Variants in PCDH11X observed in about 807,000 individuals in gnomAD.
PCDH11X encodes the protein protocadherin 11 X-linked, also known as protocadherin-11 X-linked.
Under a neutral mutation model 53.3 loss-of-function variants are expected in PCDH11X, and 18 were observed. That is an observed-to-expected ratio of 0.34 (90% CI 0.23 to 0.50). The LOEUF (loss-of-function observed/expected upper bound fraction) is 0.50. Among genes scored for constraint, PCDH11X ranks in the 20% least tolerant of loss-of-function variants. The pLI, the probability that PCDH11X is intolerant of heterozygous loss-of-function variation, is 0.98. For missense variants in PCDH11X, 570 were observed against 1,032.4 expected, an observed-to-expected ratio of 0.55 and a Z score of 6.14; for synonymous variants, 279 against 393.3, an observed-to-expected ratio of 0.71 and a Z score of 3.44.
intron 8 of PCDH11X, among the ~76,000 whole-genome samples, chrX:92,353,696 C>T (rs767451932): frequency 1.4e-4 from 15 of 108,085 alleles, no homozygotes; most frequent in Non-Finnish European, 2.9e-4. Context: ...AGTAAGTTTT[C>T]TTTCCATTTC....
chrX:92,046,477 G>A (rs994093438), intron 6 of PCDH11X, among the ~76,000 whole-genome samples: 14 of 111,174 alleles, frequency 1.3e-4, no homozygotes, highest in Non-Finnish European at 2.3e-4. Flanking sequence ...TATAATCTTT[G>A]GAAGGTACCG....
intron 5 of PCDH11X, among the ~76,000 whole-genome samples, chrX:91,846,125 AT>A (rs760609889): frequency 1.2e-4 from 14 of 112,025 alleles, no homozygotes; most frequent in African/African-American, 4.5e-4. Flanking sequence ...ACACCACAAA[AT>A]AGTGACTGGC....
At chrX:91,908,027 C>T (rs1414682565) in intron 6 of PCDH11X, among the ~76,000 whole-genome samples, 1 of 111,666 alleles carries the variant, frequency 9.0e-6, no homozygotes. Flanking sequence ...TTTATCCAGT[C>T]TATCACTGAT....
intron 9 of PCDH11X, among the ~76,000 whole-genome samples, chrX:92,418,991 G>A (rs994511949): frequency 9.5e-5 from 10 of 105,459 alleles, no homozygotes; most frequent in Non-Finnish European, 1.5e-4. Context: ...GTACTGTGTA[G>A]AAGTGTTTGT....
chrX:92,343,279 A>T (rs2069810028), intron 8 of PCDH11X, among the ~76,000 whole-genome samples: 1 of 111,668 alleles, frequency 9.0e-6, no homozygotes, highest in Non-Finnish European at 1.9e-5. Context: ...TCACAAATCA[A>T]TTGAAGAATA....
chrX:91,991,608 A>G (rs1280506250), intron 6 of PCDH11X, among the ~76,000 whole-genome samples: 1 of 87,712 alleles, frequency 1.1e-5, no homozygotes, highest in Non-Finnish European at 2.2e-5. Context: ...TTAAGTATGT[A>G]TCTTGGTGTT....
rs565098212 is a variant in PCDH11X at position 92,150,471 on chromosome X, A to C, written c.3034-50904A>C. ...TGCTATTAAGTCAAACAAGTTATTG[A>C]TATATTCTGGATACATTTATGTTCA... On this transcript the variant is annotated intron_variant, in intron 6 of 10. Coordinates refer to ENST00000682573, the MANE Select transcript of PCDH11X (RefSeq NM_032968.5). Among the ~76,000 whole-genome samples, 56 of 107,986 alleles carry C rather than the reference A, an allele frequency of 5.2e-4. No individual in the cohort carries two copies. In the South Asian group the frequency reaches 0.022, roughly 43 times the overall value. The allele number at this position is 107,986 out of a possible 115,157, so 93.8% of individuals were successfully genotyped here.
chrX:92,147,837 T>TTCTTTC (rs1569388201), intron 6 of PCDH11X, among the ~76,000 whole-genome samples: 29 of 95,920 alleles, frequency 3.0e-4, no homozygotes, highest in African/African-American at 1.2e-3. Context: ...CTTTCTTTCT[T>TTCTTTC]TCTTTCTTTC....
intron 6 of PCDH11X, among the ~76,000 whole-genome samples, chrX:92,087,299 T>C (rs1175601767): frequency 7.5e-5 from 8 of 106,653 alleles, no homozygotes; most frequent in Non-Finnish European, 1.4e-4. Flanking sequence ...TTCTGCATGT[T>C]GGTCAGGCTG....
At chrX:91,942,113 A>G (rs974850786) in intron 6 of PCDH11X, among the ~76,000 whole-genome samples, 5 of 110,327 alleles carry the variant, frequency 4.5e-5, no homozygotes, top group Admixed American at 9.7e-5. Flanking sequence ...AAGAAAAAAA[A>G]AGAAAAGAAT....
At chrX:92,580,603 A>C (rs1310009843) in intron 10 of PCDH11X, among the ~76,000 whole-genome samples, 38 of 111,013 alleles carry the variant, frequency 3.4e-4, no homozygotes, top group African/African-American at 1.2e-3. Context: ...CGGGAAAAAA[A>C]AGCCTACTGA....
chrX:91,800,094 G>C (rs1386809794), intron 1 of PCDH11X, among the ~76,000 whole-genome samples: 2 of 111,826 alleles, frequency 1.8e-5, no homozygotes, highest in Non-Finnish European at 3.8e-5. Flanking sequence ...GTCTCAAAAA[G>C]AAAATATTTT....
chrX:91,942,537 A>G (rs1437622243), intron 6 of PCDH11X, among the ~76,000 whole-genome samples: 1 of 110,786 alleles, frequency 9.0e-6, no homozygotes. Flanking sequence ...TTAGTCCTAT[A>G]TCTATTAAGG....
intron 5 of PCDH11X, among the ~76,000 whole-genome samples, chrX:91,851,220 A>T: frequency 8.9e-6 from 1 of 111,737 alleles, no homozygotes; most frequent in East Asian, 2.8e-4. Context: ...ATAATGCATG[A>T]AATTATAAAA....
intron 6 of PCDH11X, among the ~76,000 whole-genome samples, chrX:92,162,541 C>G (rs1292379319): frequency 9.0e-6 from 1 of 110,879 alleles, no homozygotes; most frequent in Non-Finnish European, 1.9e-5. Context: ...TGATGTAGTA[C>G]TCTTCCCCTT....
chrX:92,372,994 C>T (rs1260983374), intron 8 of PCDH11X, among the ~76,000 whole-genome samples: 1 of 111,264 alleles, frequency 9.0e-6, no homozygotes, highest in Non-Finnish European at 1.9e-5. Flanking sequence ...TTAAAATAAT[C>T]ATATATTCAT....
At chrX:92,116,554 C>A (rs1316515629) in intron 6 of PCDH11X, among the ~76,000 whole-genome samples, 1 of 112,095 alleles carries the variant, frequency 8.9e-6, no homozygotes, top group African/African-American at 3.2e-5. Context: ...CTTATTTTAG[C>A]AAATGTATTT....
At chrX:92,261,191 T>A (rs2067708249) in intron 7 of PCDH11X, among the ~76,000 whole-genome samples, 1 of 111,233 alleles carries the variant, frequency 9.0e-6, no homozygotes, top group African/African-American at 3.3e-5. Flanking sequence ...AGGCATGCAC[T>A]AGAAGCTACT....
At position 92,007,323 on chromosome X, in the gene PCDH11X, GAC is replaced by G. The variant is rs774630976; in HGVS notation, c.3033+128054_3033+128055del. On this transcript the variant is annotated intron_variant, in intron 6 of 10. Transcript: ENST00000682573. ...ATCTGAGCTGATATTCAAACCACAA[GAC>G]ACAGTTCTTCCCACTCTTCCCCCCT... Among the ~76,000 whole-genome samples, 448 of 111,678 alleles carry G rather than the reference GAC, an allele frequency of 4.0e-3. 1 individual carries two copies. Among genetic ancestry groups the G allele is most frequent in the African/African-American group, 0.014 (427 of 30,771 alleles).
Sources: allele counts gnomAD v4.1 joint callset (sites outside exome capture counted in the v4.1 genomes callset), GRCh38; gene constraint gnomAD v4.1.1; transcripts MANE v1.5; gene names NCBI Gene and HGNC (gene_info 2026-07-23, HGNC 2026-07-21).